Variants in SCHIP1 observed in about 807,000 individuals in gnomAD.
SCHIP1 encodes schwannomin-interacting protein 1.
Under a neutral mutation model 29.7 loss-of-function variants are expected in SCHIP1, and 8 were observed. The observed-to-expected ratio is 0.27, with a 90% confidence interval of 0.16 to 0.49. The LOEUF is 0.49. Ranked by LOEUF, SCHIP1 falls within the 20% of genes least tolerant of loss-of-function variation. The pLI is 0.99. For missense variants in SCHIP1, 193 were observed against 294.6 expected (o/e 0.66, Z 2.52); for synonymous variants, 76 against 94.9 (o/e 0.80, Z 1.16).
At chr3:159,776,326 TTC>T in the SCHIP1 span, among the ~76,000 whole-genome samples, 1 of 94,000 alleles carries the variant, frequency 1.1e-5, no homozygotes, top group Non-Finnish European at 2.1e-5. Context: ...ATCTTAAGTG[TTC>T]TGTCTTTTTT....
intron 2 of SCHIP1, among the ~76,000 whole-genome samples, chr3:159,884,956 C>T (rs1036757456): frequency 2.0e-5 from 3 of 152,146 alleles, no homozygotes; most frequent in African/African-American, 4.8e-5. Flanking sequence ...GGGTTGTAAG[C>T]TGGGATTTTC....
intron 1 of SCHIP1, among the ~76,000 whole-genome samples, chr3:159,851,883 A>G (rs1304827249): frequency 6.6e-6 from 1 of 152,216 alleles, no homozygotes; most frequent in African/African-American, 2.4e-5. Flanking sequence ...CCCAAATGCA[A>G]ATGTGGTTCA....
At chr3:159,817,969 C>G in the SCHIP1 span, among the ~76,000 whole-genome samples, 1 of 152,182 alleles carries the variant, frequency 6.6e-6, no homozygotes, top group Admixed American at 6.5e-5. Context: ...ATGCAGTCCC[C>G]TTTTATTTAT....
chr3:159,828,380 T>C, the SCHIP1 span, among the ~76,000 whole-genome samples: 201 of 74,448 alleles, frequency 2.7e-3, 2 homozygotes, highest in African/African-American at 0.01. Context: ...TATATACATA[T>C]ATATATACAT....
At chr3:159,863,750 AAG>A (rs1180397656) in intron 1 of SCHIP1, among the ~76,000 whole-genome samples, 1 of 152,190 alleles carries the variant, frequency 6.6e-6, no homozygotes, top group Admixed American at 6.5e-5. Flanking sequence ...GAGAGGGGGA[AAG>A]AGAGTGTATT....
the SCHIP1 span, among the ~76,000 whole-genome samples, chr3:159,724,867 G>T: frequency 6.6e-6 from 1 of 152,198 alleles, no homozygotes; most frequent in African/African-American, 2.4e-5. Context: ...GGAATTCAGT[G>T]ACATTGCTAT....
chr3:159,300,837 C>T, the SCHIP1 span, among the ~76,000 whole-genome samples: 1 of 152,098 alleles, frequency 6.6e-6, no homozygotes, highest in Non-Finnish European at 1.5e-5. Context: ...TTCTCATTGT[C>T]CTTATCATAC....
At chr3:159,892,291 C>A in intron 6 of SCHIP1, 101 bp downstream of exon 7, 1 of 1,343,586 alleles carries the variant, frequency 7.4e-7, no homozygotes, top group Non-Finnish European at 1.0e-6. Flanking sequence ...TCCTCTACTT[C>A]CATAAATAAC....
chr3:159,532,355 G>T, the SCHIP1 span, among the ~76,000 whole-genome samples: 1 of 151,846 alleles, frequency 6.6e-6, no homozygotes, highest in African/African-American at 2.4e-5. Context: ...AATGTAATAG[G>T]CAATCAGATG....
chr3:159,675,868 A>C, the SCHIP1 span, among the ~76,000 whole-genome samples: 1 of 151,908 alleles, frequency 6.6e-6, no homozygotes, highest in Non-Finnish European at 1.5e-5. Flanking sequence ...GTGGTGGCTC[A>C]TGCCTGTAAT....
At chr3:159,650,653 T>C in the SCHIP1 span, among the ~76,000 whole-genome samples, 1 of 152,214 alleles carries the variant, frequency 6.6e-6, no homozygotes, top group African/African-American at 2.4e-5. Context: ...CAAAGCTGTT[T>C]ATTGCATTGT....
the SCHIP1 span, among the ~76,000 whole-genome samples, chr3:159,713,277 A>AAAG: frequency 6.6e-6 from 1 of 151,092 alleles, no homozygotes. Context: ...AGAAAGAAAG[A>AAAG]AAGAAAGAAA....
the SCHIP1 span, among the ~76,000 whole-genome samples, chr3:159,644,528 T>C: frequency 6.6e-6 from 1 of 152,134 alleles, no homozygotes; most frequent in Non-Finnish European, 1.5e-5. Flanking sequence ...TTTGGAGTTT[T>C]GTATGAGCCA....
the SCHIP1 span, among the ~76,000 whole-genome samples, chr3:159,665,546 TTGTGTG>T: frequency 2.9e-3 from 428 of 147,562 alleles, 1 homozygote; most frequent in African/African-American, 9.3e-3. Context: ...GTTTTTGGGG[TTGTGTG>T]TGTGTGTGTG....
At chr3:159,820,634 G>A in the SCHIP1 span, among the ~76,000 whole-genome samples, 2 of 152,186 alleles carry the variant, frequency 1.3e-5, no homozygotes, top group African/African-American at 2.4e-5. Context: ...GTGGGTGCAA[G>A]AGTGTTAGGA....
At chr3:159,363,361 C>T in the SCHIP1 span, among the ~76,000 whole-genome samples, 20 of 152,216 alleles carry the variant, frequency 1.3e-4, no homozygotes, top group African/African-American at 4.8e-4. Flanking sequence ...TTGTAAAGAG[C>T]AGAGTGAAAT....
intron 1 of SCHIP1, 27 bp from the exon 3 acceptor site, chr3:159,866,136 G>A (rs1714604973): frequency 1.4e-5 from 23 of 1,607,334 alleles, no homozygotes; most frequent in Non-Finnish European, 2.0e-5. Context: ...CCACTTATCA[G>A]CATTTTTTAT....
chr3:159,544,306 A>G, the SCHIP1 span, among the ~76,000 whole-genome samples: 1 of 152,102 alleles, frequency 6.6e-6, no homozygotes, highest in African/African-American at 2.4e-5. Flanking sequence ...CAATTTATGT[A>G]TGTTACCAGT....
intron 2 of SCHIP1, among the ~76,000 whole-genome samples, chr3:159,869,686 C>T (rs577662283): frequency 1.8e-4 from 27 of 151,922 alleles, no homozygotes; most frequent in Non-Finnish European, 3.2e-4. Flanking sequence ...CTGCCTGTTA[C>T]GGCTTTTTTT....
Sources: allele counts gnomAD v4.1 joint callset (sites outside exome capture counted in the v4.1 genomes callset), GRCh38; gene constraint gnomAD v4.1.1; transcripts MANE v1.5; gene names NCBI Gene and HGNC (gene_info 2026-07-23, HGNC 2026-07-21).